Variants in BDP1 observed in about 807,000 individuals in gnomAD.
The protein encoded by BDP1 is BDP1 general transcription factor IIIB subunit, also known as transcription factor TFIIIB component B'' homolog.
In BDP1, 169 loss-of-function variants were observed where a neutral mutation model predicts 266.6. The ratio of observed to expected loss-of-function variants is 0.63; its 90% CI spans 0.56 to 0.72. BDP1 has a LOEUF of 0.72. BDP1 is among the 30% of genes least tolerant of loss of function. The pLI is 0.00. For missense variants in BDP1, 3,015 were observed against 3,053.8 expected, an observed-to-expected ratio of 0.99 and a Z score of 0.30; for synonymous variants, 1,090 against 1,022.4, an observed-to-expected ratio of 1.07 and a Z score of -1.26.
chr5:71,539,984 C>G (rs377434065), intron 28 of BDP1, among the ~76,000 whole-genome samples: 12 of 152,098 alleles, frequency 7.9e-5, no homozygotes, highest in East Asian at 5.8e-4. Context: ...TCATTGATCA[C>G]TGATATAGTT....
intron 26 of BDP1, among the ~76,000 whole-genome samples, chr5:71,534,752 C>T (rs1766483394): frequency 6.6e-6 from 1 of 152,136 alleles, no homozygotes; most frequent in South Asian, 2.1e-4. Context: ...AGCAATTCTC[C>T]TGTCTCAGCT....
At chr5:71,476,994 G>A (rs566348140) in intron 7 of BDP1, among the ~76,000 whole-genome samples, 71 of 151,424 alleles carry the variant, frequency 4.7e-4, no homozygotes, top group African/African-American at 1.5e-3. Flanking sequence ...GTGAGCCATC[G>A]TGCCCGGCCC....
At chr5:71,492,377 T>G (rs926632932) in intron 11 of BDP1, among the ~76,000 whole-genome samples, 1 of 152,190 alleles carries the variant, frequency 6.6e-6, no homozygotes, top group African/African-American at 2.4e-5. Context: ...AGGGTTCCAG[T>G]TTTTTTCACA....
At chr5:71,464,715 GTT>G (rs567761591) in intron 4 of BDP1, among the ~76,000 whole-genome samples, 4 of 88,088 alleles carry the variant, frequency 4.5e-5, no homozygotes, top group Non-Finnish European at 6.5e-5. Flanking sequence ...AAATTTTTTA[GTT>G]TTTTTTTTTT....
chr5:71,576,927 A>G, the BDP1 span, among the ~76,000 whole-genome samples: 6 of 152,182 alleles, frequency 3.9e-5, no homozygotes, highest in Admixed American at 3.9e-4. Flanking sequence ...CTATCCAATA[A>G]TAGCAATAGT....
At chr5:71,544,741 G>T (rs576069966) in intron 31 of BDP1, among the ~76,000 whole-genome samples, 1 of 151,950 alleles carries the variant, frequency 6.6e-6, no homozygotes, top group Admixed American at 6.6e-5. Context: ...TTAGCCGGGC[G>T]TGGTGGCGGG....
intron 26 of BDP1, among the ~76,000 whole-genome samples, chr5:71,535,202 A>G: frequency 6.9e-6 from 1 of 143,974 alleles, no homozygotes. Flanking sequence ...TAAAATAACA[A>G]TTTTTTTTTT....
intron 7 of BDP1, among the ~76,000 whole-genome samples, chr5:71,475,445 G>C (rs900902930): frequency 1.3e-5 from 2 of 152,096 alleles, no homozygotes; most frequent in Non-Finnish European, 2.9e-5. Context: ...GGGAGCTTTT[G>C]TTTATGTACT....
rs1763977089 is a variant in BDP1, at chr5:71,497,695, C to A, written c.1956+269C>A. Among the ~76,000 whole-genome samples the A allele has an allele frequency of 2.0e-5, 3 of 152,146 alleles. No individual in the cohort carries two copies. The South Asian group carries it at 6.2e-4, about 32-fold the overall frequency. On this transcript the variant is annotated intron_variant, in intron 13 of 38. Transcript: ENST00000358731. ...TATAAAATTTTTATTTAAAATATTT[C>A]ATAAACCAGCTATATATTAAATTCT...
At position 71,504,710 on chromosome 5, in the gene BDP1, T is replaced by C; in HGVS notation, c.2331T>C (p.Asn777=). 6.2e-7 allele frequency: 1 copy of C among 1,613,760 alleles called. No homozygotes were observed. The highest frequency in any genetic ancestry group is 2.2e-5 in the East Asian group (1 of 44,794). Residue 777 remains asparagine (N), a synonymous_variant, in exon 16 of 39, where the codon AAT becomes AAC. Coordinates refer to ENST00000358731, the MANE Select transcript of BDP1 (RefSeq NM_018429.3). ...CTGAGAAAAATGATTCTTTTCAAAA[T>C]GTGCAGCCAGATGAGCCCAAGGTTC... is the stretch of plus-strand genomic sequence containing the variant. ...LQPEKNDSFQ[N]VQPDEPKVLN...
intron 32 of BDP1, among the ~76,000 whole-genome samples, chr5:71,545,863 G>A (rs1296848474): frequency 4.0e-5 from 6 of 150,934 alleles, no homozygotes; most frequent in Admixed American, 2.0e-4. Context: ...AGCCAGGCAT[G>A]GTGGCATTTG....
chr5:71,562,721 A>G, intron 38 of BDP1: 4 of 1,478,160 alleles, frequency 2.7e-6, no homozygotes, highest in Middle Eastern at 1.8e-4. Context: ...AGATTAGTAC[A>G]GAGCCATTGA....
At chr5:71,474,146 A>G (rs919760469) in intron 7 of BDP1, among the ~76,000 whole-genome samples, 3 of 150,818 alleles carry the variant, frequency 2.0e-5, no homozygotes, top group African/African-American at 7.3e-5. Context: ...TGCCCAGCTA[A>G]TTTTTTTGTA....
rs751370586 is a variant in BDP1, at chr5:71,495,959, TG to T, written c.1799+554del. The stretch of plus-strand genomic sequence containing the variant: ...GGGCTTAAAAGCTATTAATAGTTTA[TG>T]GGCTGGGCGCAGTGGCTCACACCTG... On this transcript the variant is annotated intron_variant, in intron 12 of 38. Transcript: ENST00000358731. 7.2e-5 allele frequency among the ~76,000 whole-genome samples: 11 copies of T among 152,160 alleles called. No individual in the cohort carries two copies. In the East Asian group the frequency reaches 1.7e-3, roughly 24 times the overall value.
chr5:71,502,705 G>T lies in BDP1; in HGVS notation c.2155G>T (p.Ala719Ser). 6.2e-7 allele frequency: 1 copy of T among 1,614,010 alleles called. No homozygotes were observed. Among genetic ancestry groups the T allele is most frequent in the Non-Finnish European group, 8.5e-7 (1 of 1,179,984 alleles). Reference protein sequence around the residue: ...QKPKPNAGKAAERKEILISQE... With the variant: ...QKPKPNAGKASERKEILISQE... Reference sequence around the variant, plus strand: ...GCCAAAGCCAAATGCAGGTAAAGCTGCTGAAAGAAAAGAAATTCTCATATC... The same window carrying T: ...GCCAAAGCCAAATGCAGGTAAAGCTTCTGAAAGAAAAGAAATTCTCATATC... The change falls in exon 15 of 39, where the codon GCT becomes TCT. Residue 719 changes from alanine to serine, a missense_variant. By Grantham distance (99) the Ala-to-Ser change is moderately conservative. Coordinates refer to ENST00000358731, the MANE Select transcript of BDP1 (RefSeq NM_018429.3).
chr5:71,525,707 C>T lies in BDP1; in HGVS notation c.5772+1384C>T, dbSNP rs1051561998. ...GGGGGCTGACCCCCCACCTCCCTTC[C>T]GGACGGGGCGGCTGGCCAGGCGGGG... On this transcript the variant is annotated intron_variant, in intron 25 of 38. Coordinates refer to ENST00000358731, the MANE Select transcript of BDP1 (RefSeq NM_018429.3). Among the ~76,000 whole-genome samples, 34 of 146,148 alleles carry T rather than the reference C, an allele frequency of 2.3e-4. No individual in the cohort carries two copies. The East Asian group carries it at 5.9e-3, about 25-fold the overall frequency.
In BDP1 at chr5:71,510,216, A is replaced by G; in HGVS notation, c.3124A>G (p.Arg1042Gly). ...GGAAATAGATTTGGAAGAAACTGAAAGAGAAGTATCCCCACAGGAAAATGG... is the reference window on the plus strand; with the variant it reads ...GGAAATAGATTTGGAAGAAACTGAAGGAGAAGTATCCCCACAGGAAAATGG... ...TEEIDLEETEREVSPQENGLE... is the reference protein window; with the variant it reads ...TEEIDLEETEGEVSPQENGLE... The change falls in exon 17 of 39, where the codon AGA becomes GGA. Residue 1042 changes from arginine (R) to glycine (G), a missense_variant. Around this residue, in one of 3 missense-constraint regions of BDP1, gnomAD observed 2,383 missense variants for 2,404.9 expected, o/e 0.99. Coordinates refer to ENST00000358731, the MANE Select transcript of BDP1 (RefSeq NM_018429.3). 6.2e-7 allele frequency: 1 copy of G among 1,613,964 alleles called. No homozygotes were observed.
chr5:71,532,538 C>T, intron 26 of BDP1, 111 bp downstream of exon 26: 1 of 1,069,312 alleles, frequency 9.4e-7, no homozygotes, highest in Non-Finnish European at 1.3e-6. Context: ...TAGCTAATTT[C>T]TCTTTGTAAG....
chr5:71,561,469 C>G (rs186983177), intron 37 of BDP1, among the ~76,000 whole-genome samples: 6 of 152,342 alleles, frequency 3.9e-5, no homozygotes, highest in Admixed American at 3.9e-4. Flanking sequence ...AAGCAGTGTT[C>G]TAGAACGGAA....
Sources: allele counts gnomAD v4.1 joint callset (sites outside exome capture counted in the v4.1 genomes callset), GRCh38; gene constraint gnomAD v4.1.1; regional missense constraint gnomAD v4.1.1; transcripts MANE v1.5; gene names NCBI Gene and HGNC (gene_info 2026-07-23, HGNC 2026-07-21).